Variants in YEATS4 observed in about 807,000 individuals in gnomAD.
The protein encoded by YEATS4 is YEATS domain containing 4.
A neutral mutation model predicts 30.1 loss-of-function variants in YEATS4; 17 were observed. That is an observed-to-expected ratio of 0.56 (90% CI 0.39 to 0.85). The LOEUF (loss-of-function observed/expected upper bound fraction) is 0.85, where lower values mean the gene tolerates loss of function less well. YEATS4 is among the 40% of genes least tolerant of loss of function. YEATS4 has a pLI of 0.00. For missense variants in YEATS4, 142 were observed against 268.3 expected, an observed-to-expected ratio of 0.53 and a Z score of 3.29; for synonymous variants, 85 against 87.5, an observed-to-expected ratio of 0.97 and a Z score of 0.16.
At chr12:69,417,466 GT>G in the YEATS4 span, among the ~76,000 whole-genome samples, 1 of 151,726 alleles carries the variant, frequency 6.6e-6, no homozygotes, top group Non-Finnish European at 1.5e-5. Context: ...GGCTAGTCAG[GT>G]CTTAAATTAT....
intron 4 of YEATS4, among the ~76,000 whole-genome samples, chr12:69,368,304 A>G (rs1459519007): frequency 6.6e-6 from 1 of 152,216 alleles, no homozygotes; most frequent in East Asian, 1.9e-4. Flanking sequence ...GGTTGTTTCT[A>G]AAAGCAAAAT....
At chr12:69,414,397 T>C in the YEATS4 span, among the ~76,000 whole-genome samples, 1 of 152,176 alleles carries the variant, frequency 6.6e-6, no homozygotes, top group South Asian at 2.1e-4. Context: ...GACTGGCTAA[T>C]TTAAAACTTT....
chr12:69,389,894 G>A (rs1868297009), intron 6 of YEATS4, among the ~76,000 whole-genome samples: 1 of 152,030 alleles, frequency 6.6e-6, no homozygotes, highest in Admixed American at 6.6e-5. Flanking sequence ...AGGACATTAT[G>A]TCTTAAAATT....
the YEATS4 span, among the ~76,000 whole-genome samples, chr12:69,400,747 A>G: frequency 6.6e-6 from 1 of 152,142 alleles, no homozygotes; most frequent in African/African-American, 2.4e-5. Context: ...GAGAAATGCA[A>G]ATTAACACAA....
chr12:69,382,498 T>C (rs1486790680), intron 6 of YEATS4, among the ~76,000 whole-genome samples: 3 of 152,128 alleles, frequency 2.0e-5, no homozygotes, highest in Non-Finnish European at 4.4e-5. Context: ...CCACAAGGAG[T>C]TCTGTCAGGG....
At chr12:69,394,837 C>T (rs1868339635), downstream of YEATS4, among the ~76,000 whole-genome samples, 2 of 152,158 alleles carry the variant, frequency 1.3e-5, no homozygotes, top group African/African-American at 2.4e-5. Flanking sequence ...CCACCTTGGC[C>T]TCCCAAAATG....
At chr12:69,367,686 A>T (rs997965754) in intron 4 of YEATS4, among the ~76,000 whole-genome samples, 1 of 152,194 alleles carries the variant, frequency 6.6e-6, no homozygotes, top group African/African-American at 2.4e-5. Flanking sequence ...TAAATATTAT[A>T]TCTGCTATTT....
At chr12:69,364,001 C>T (rs1875333507) in intron 2 of YEATS4, among the ~76,000 whole-genome samples, 1 of 152,018 alleles carries the variant, frequency 6.6e-6, no homozygotes, top group Non-Finnish European at 1.5e-5. Flanking sequence ...ATGAAATGTC[C>T]AGAAGGGGCA....
chr12:69,420,307 A>G, the YEATS4 span, among the ~76,000 whole-genome samples: 7 of 152,128 alleles, frequency 4.6e-5, no homozygotes, highest in Admixed American at 3.9e-4. Flanking sequence ...AAAGGCCTGA[A>G]GAAATGCTGT....
At chr12:69,394,523 G>A (rs1868337055), downstream of YEATS4, among the ~76,000 whole-genome samples, 1 of 152,172 alleles carries the variant, frequency 6.6e-6, no homozygotes, top group South Asian at 2.1e-4. Context: ...TGTAGGATGA[G>A]ATAAATGGTA....
intron 2 of YEATS4, among the ~76,000 whole-genome samples, chr12:69,365,023 T>G (rs1435584144): frequency 6.6e-6 from 1 of 152,222 alleles, no homozygotes; most frequent in Non-Finnish European, 1.5e-5. Context: ...AAATCAAAAT[T>G]GATTTAGAAT....
the YEATS4 span, among the ~76,000 whole-genome samples, chr12:69,398,947 G>GCC: frequency 2.4e-4 from 37 of 152,098 alleles, no homozygotes; most frequent in African/African-American, 8.9e-4. Context: ...TCAGGAGATT[G>GCC]AGACCATCCT....
chr12:69,360,609 C>T (rs1165026540), intron 1 of YEATS4, among the ~76,000 whole-genome samples: 1 of 151,406 alleles, frequency 6.6e-6, no homozygotes, highest in Non-Finnish European at 1.5e-5. Flanking sequence ...ACCATAGACC[C>T]TAGCGTAATG....
At chr12:69,385,250 A>G (rs1262822284) in intron 6 of YEATS4, among the ~76,000 whole-genome samples, 3 of 151,790 alleles carry the variant, frequency 2.0e-5, no homozygotes, top group Non-Finnish European at 4.4e-5. Flanking sequence ...ACAGGCATGA[A>G]TCACCATGCC....
chr12:69,403,591 AG>A, the YEATS4 span, among the ~76,000 whole-genome samples: 65 of 151,344 alleles, frequency 4.3e-4, 2 homozygotes, highest in South Asian at 6.3e-3. Context: ...AAAAAAAAAA[AG>A]AAAAAAAGAG....
At chr12:69,376,176 G>A (rs1875865928) in intron 6 of YEATS4, among the ~76,000 whole-genome samples, 1 of 152,074 alleles carries the variant, frequency 6.6e-6, no homozygotes, top group Non-Finnish European at 1.5e-5. Context: ...AGACCAGCCT[G>A]GCCAACATGG....
intron 6 of YEATS4, among the ~76,000 whole-genome samples, chr12:69,384,368 A>G (rs1249382347): frequency 1.3e-5 from 2 of 152,222 alleles, no homozygotes; most frequent in African/African-American, 4.8e-5. Flanking sequence ...AAGGCTATAA[A>G]TCTGTTTCAA....
chr12:69,378,238 G>A (rs1270491817), intron 6 of YEATS4, among the ~76,000 whole-genome samples: 2 of 151,370 alleles, frequency 1.3e-5, no homozygotes, highest in African/African-American at 2.4e-5. Context: ...TTTATTTTCA[G>A]TCTACGTGTG....
chr12:69,414,971 A>G, the YEATS4 span, among the ~76,000 whole-genome samples: 156 of 152,282 alleles, frequency 1.0e-3, 2 homozygotes, highest in Non-Finnish European at 1.5e-3. Flanking sequence ...TATTATAGAG[A>G]CTGGGGGACA....
Sources: gnomAD v4.1 joint callset for allele counts (sites outside exome capture counted in the v4.1 genomes callset) on GRCh38, gnomAD v4.1.1 for gene constraint, MANE v1.5 for transcripts, NCBI Gene and HGNC (gene_info 2026-07-23, HGNC 2026-07-21) for gene names.